MPC1: variants seen among roughly 807,000 people sequenced by gnomAD.
The protein encoded by MPC1 is HSPC040 protein.
Under a neutral mutation model 13.9 loss-of-function variants are expected in MPC1, and 6 were observed. That is an observed-to-expected ratio of 0.43 (90% CI 0.24 to 0.85). The LOEUF (loss-of-function observed/expected upper bound fraction) is 0.85. Among genes scored for constraint, MPC1 ranks in the 40% least tolerant of loss-of-function variants. The probability of loss-of-function intolerance (pLI) is 0.24; values close to 1 mark genes in which losing one functional copy is unlikely to be tolerated. For missense variants in MPC1, 115 were observed against 143.3 expected, an observed-to-expected ratio of 0.80 and a Z score of 1.01; for synonymous variants, 47 against 50.5, an observed-to-expected ratio of 0.93 and a Z score of 0.29.
intron 1 of MPC1, 130 bp downstream of exon 1, chr6:166,382,676 G>A: frequency 1.1e-6 from 1 of 931,130 alleles, no homozygotes. Context: ...GCACCCTCTC[G>A]CCTGGGCCCC....
Position 166,365,515 on chromosome 6 carries a change from C to T in MPC1, c.306-62G>A, listed in dbSNP as rs1779117071. The stretch of plus-strand genomic sequence containing the variant: ...AAAATTTCAATGCCAATCGCAAGGG[C>T]TTTGGATGGCTTTTAAAAGACACCT... On this transcript the variant is annotated intron_variant, in intron 4 of 4. Transcript: ENST00000360961. This position sits in a 1 kb window ranked among gnomAD's most constrained non-coding sequence, Gnocchi z 4.2. 7.4e-7 allele frequency: 1 copy of T among 1,357,184 alleles called. No homozygotes were observed. The highest frequency in any genetic ancestry group is 1.3e-5 in the South Asian group (1 of 74,092). The allele number at this position is 1,357,184 out of a possible 1,614,324, so 84.1% of individuals were successfully genotyped here. A position where few individuals can be genotyped will look rare whatever the true frequency, so the allele number is the denominator to read the frequency against.
intron 1 of MPC1, among the ~76,000 whole-genome samples, chr6:166,380,099 A>G (rs544341244): frequency 6.6e-6 from 1 of 152,252 alleles, no homozygotes; most frequent in Admixed American, 6.5e-5. Context: ...AAATAATTTC[A>G]GTTCAAGATC....
chr6:166,381,758 G>A, intron 1 of MPC1: 1 of 954,234 alleles, frequency 1.0e-6, no homozygotes, highest in Non-Finnish European at 1.2e-6. Flanking sequence ...ACAGAAAATA[G>A]AACAAGAAGA....
rs1367243607 is a variant in MPC1, at chr6:166,382,859, C to T, written c.18G>A (p.Val6=). The T allele has an allele frequency of 6.3e-7, 1 of 1,595,534 alleles. No individual in the cohort carries two copies. Among genetic ancestry groups the T allele is most frequent in the African/African-American group, 1.4e-5 (1 of 72,818 alleles). ...TTCGGACATAGTCCGCCGCTTTCCGCACCAACGCGCCCGCCATGGCTGTGC... is the reference window on the plus strand; with the variant it reads ...TTCGGACATAGTCCGCCGCTTTCCGTACCAACGCGCCCGCCATGGCTGTGC... MAGAL[V]RKAADYVRSK... is the part of the protein sequence containing the mutation. The change falls in exon 1 of 5, where the codon GTG becomes GTA. Residue 6 remains valine (V), a synonymous_variant. Coordinates refer to ENST00000360961, the MANE Select transcript of MPC1 (RefSeq NM_016098.4).
At position 166,365,891 on chromosome 6, in the gene MPC1, C is replaced by G. The variant is rs146178932; in HGVS notation, c.305+83G>C. The G allele has an allele frequency of 1.3e-4, 198 of 1,552,482 alleles. No individual in the cohort carries two copies. In the African/African-American group the frequency reaches 2.5e-3, roughly 19 times the overall value. ...CTATACACACTCCAGTCCCGCAGCA[C>G]TCCCTCAGAAAAGATTTTAGTTTCA... On this transcript the variant is annotated intron_variant, in intron 4 of 4. Transcript: ENST00000360961. This position sits in a 1 kb window ranked among gnomAD's most constrained non-coding sequence, Gnocchi z 4.2.
chr6:166,374,312 G>A lies in MPC1; in HGVS notation c.72-4091C>T, dbSNP rs116235419. Among the ~76,000 whole-genome samples, 1,074 of 152,204 alleles carry A rather than the reference G, an allele frequency of 7.1e-3. 15 individuals are homozygous for A. The highest frequency in any genetic ancestry group is 0.024 in the African/African-American group (993 of 41,540). On this transcript the variant is annotated intron_variant, in intron 1 of 4. Coordinates refer to ENST00000360961, the MANE Select transcript of MPC1 (RefSeq NM_016098.4). Reference sequence around the variant, plus strand: ...CTGGCCTTATTGTTAAGTTTTAAGAGTTCTTTGTATATTTTGGAAAAGTCC... The same window carrying A: ...CTGGCCTTATTGTTAAGTTTTAAGAATTCTTTGTATATTTTGGAAAAGTCC...
chr6:166,380,483 G>GCTACATGA (rs1189833617), intron 1 of MPC1, among the ~76,000 whole-genome samples: 1 of 152,080 alleles, frequency 6.6e-6, no homozygotes, highest in Non-Finnish European at 1.5e-5. Flanking sequence ...AAAATTTAAA[G>GCTACATGA]CTACATAAAG....
chr6:166,372,601 C>A (rs934712118), intron 1 of MPC1, among the ~76,000 whole-genome samples: 1 of 152,100 alleles, frequency 6.6e-6, no homozygotes, highest in African/African-American at 2.4e-5. Flanking sequence ...ATACAAAACA[C>A]TACAACTCAA....
At position 166,370,238 on chromosome 6, in the gene MPC1, C is replaced by T; in HGVS notation, c.72-17G>A. 1 of 773,498 alleles carries T rather than the reference C, an allele frequency of 1.3e-6. No homozygotes were observed. Among genetic ancestry groups the T allele is most frequent in the Middle Eastern group, 2.6e-4 (1 of 3,870 alleles). The allele number at this position is 773,498 out of a possible 1,614,324, so 47.9% of individuals were successfully genotyped here. Reference sequence around the variant, plus strand: ...CTTACCGTACTATTTTGTGAAGAGTCACCGAAGTTCAGACAGGACAGACAT... The same window carrying T: ...CTTACCGTACTATTTTGTGAAGAGTTACCGAAGTTCAGACAGGACAGACAT... On this transcript the variant is annotated splice_polypyrimidine_tract_variant and intron_variant, in intron 1 of 4. Transcript: ENST00000360961.
At chr6:166,368,582 T>G (rs1223990471) in intron 2 of MPC1, among the ~76,000 whole-genome samples, 6 of 124,724 alleles carry the variant, frequency 4.8e-5, no homozygotes, top group African/African-American at 1.8e-4. Flanking sequence ...AAAAAGAAAA[T>G]GACAAGTTGG....
At chr6:166,375,442 C>A (rs1026501008) in intron 1 of MPC1, among the ~76,000 whole-genome samples, 3 of 134,210 alleles carry the variant, frequency 2.2e-5, no homozygotes, top group African/African-American at 8.1e-5. Context: ...TATTTTCATT[C>A]TAATTTGCTT....
chr6:166,378,514 C>A (rs1779653722), intron 1 of MPC1, among the ~76,000 whole-genome samples: 1 of 152,024 alleles, frequency 6.6e-6, no homozygotes, highest in African/African-American at 2.4e-5. Context: ...GCTGCACAGA[C>A]CTTGATTGAG....
chr6:166,380,619 ATATTTAACAAATTCTTCCTATG>A (rs1172927687), intron 1 of MPC1, among the ~76,000 whole-genome samples: 8 of 152,198 alleles, frequency 5.3e-5, no homozygotes, highest in African/African-American at 1.9e-4. Flanking sequence ...CCTTGAAAAT[ATATTTAACAAATTCTTCCTATG>A]TAATGAAACT....
At chr6:166,367,443 A>T (rs1779203890) in intron 2 of MPC1, among the ~76,000 whole-genome samples, 1 of 152,228 alleles carries the variant, frequency 6.6e-6, no homozygotes, top group Non-Finnish European at 1.5e-5. Flanking sequence ...AGATAAAATA[A>T]CTTGGAAATC....
At position 166,382,832 on chromosome 6, in the gene MPC1, G is replaced by C. The variant is rs1291585418; in HGVS notation, c.45C>G (p.Ser15Arg). 6.3e-7 allele frequency: 1 copy of C among 1,597,752 alleles called. No homozygotes were observed. The highest frequency in any genetic ancestry group is 1.1e-5 in the South Asian group (1 of 88,728). Residue 15 changes from serine to arginine, a missense_variant, in exon 1 of 5, where the codon AGC becomes AGG. Ser to Arg is a moderately radical substitution (Grantham distance 110, BLOSUM62 -1). This residue lies in a region of MPC1 where 41 missense variants were observed against 34.2 expected (regional missense o/e 1.20). Coordinates refer to ENST00000360961, the MANE Select transcript of MPC1 (RefSeq NM_016098.4). ...TCATGAGGTAGTCCCGGAAATCCTT[G>C]CTTCGGACATAGTCCGCCGCTTTCC... The part of the protein sequence containing the change: ...LVRKAADYVR[S>R]KDFRDYLMST...
chr6:166,380,546 C>A (rs907424772), intron 1 of MPC1, among the ~76,000 whole-genome samples: 1 of 152,142 alleles, frequency 6.6e-6, no homozygotes, highest in South Asian at 2.1e-4. Flanking sequence ...TATTGAAAAG[C>A]CTGGCTCTTG....
At chr6:166,372,982 T>A (rs529974377) in intron 1 of MPC1, among the ~76,000 whole-genome samples, 11 of 152,314 alleles carry the variant, frequency 7.2e-5, no homozygotes, top group Middle Eastern at 3.4e-3. Flanking sequence ...TCTGTTTTTT[T>A]AAAAAATAAA....
intron 1 of MPC1, among the ~76,000 whole-genome samples, chr6:166,371,197 C>T (rs1305626001): frequency 1.3e-5 from 2 of 152,188 alleles, no homozygotes; most frequent in African/African-American, 4.8e-5. Flanking sequence ...CTTCTGCTTA[C>T]TAACACATTG....
At chr6:166,378,991 A>T (rs1384041963) in intron 1 of MPC1, among the ~76,000 whole-genome samples, 2 of 152,238 alleles carry the variant, frequency 1.3e-5, no homozygotes, top group Non-Finnish European at 2.9e-5. Context: ...CGGTATTATT[A>T]TCACAATTAA....
Sources: gnomAD v4.1 joint callset for allele counts (sites outside exome capture counted in the v4.1 genomes callset) on GRCh38, gnomAD v4.1.1 for gene constraint, gnomAD v4.1.1 regional missense constraint, Gnocchi (gnomAD v3.1) non-coding constraint, MANE v1.5 for transcripts, NCBI Gene and HGNC (gene_info 2026-07-23, HGNC 2026-07-21) for gene names.